The following ATP9A variants were observed in gnomAD, a reference collection of about 807,000 sequenced individuals.
ATP9A encodes ATPase phospholipid transporting 9A, also known as probable phospholipid-transporting ATPase IIA.
In ATP9A, 52 loss-of-function variants were observed where a neutral mutation model predicts 144.1. That is an observed-to-expected ratio of 0.36 (90% CI 0.29 to 0.45). The LOEUF is 0.45. Among genes scored for constraint, ATP9A ranks in the 20% least tolerant of loss-of-function variants. The pLI is 1.00. For missense variants in ATP9A, 947 were observed against 1,392.7 expected, an observed-to-expected ratio of 0.68 and a Z score of 5.09; for synonymous variants, 582 against 557.4, an observed-to-expected ratio of 1.04 and a Z score of -0.62.
intron 3 of ATP9A, among the ~76,000 whole-genome samples, chr20:51,724,341 A>G (rs189271739): frequency 5.9e-5 from 9 of 152,244 alleles, no homozygotes; most frequent in African/African-American, 2.2e-4. Context: ...GCTCAGTTAC[A>G]TTGGACCTCT....
rs78428518 is a variant in ATP9A at position 51,689,196 on chromosome 20, G to A, written c.724-57C>T. The A allele has an allele frequency of 1.7e-3, 2,662 of 1,556,366 alleles. 39 individuals carry two copies. The African/African-American group carries it at 0.031, about 18-fold the overall frequency. On this transcript the variant is annotated intron_variant, in intron 8 of 27. Transcript: ENST00000338821. Reference sequence around the variant, plus strand: ...CCCCAAAGCTTCCCCAGAATCCACAGGCTGCTTCTAGCATGGTCCGCTGGA... The same window carrying A: ...CCCCAAAGCTTCCCCAGAATCCACAAGCTGCTTCTAGCATGGTCCGCTGGA...
intron 1 of ATP9A, among the ~76,000 whole-genome samples, chr20:51,731,227 C>A (rs987978521): frequency 1.3e-5 from 2 of 149,594 alleles, no homozygotes; most frequent in Non-Finnish European, 3.0e-5. Flanking sequence ...TCGCTTGAAC[C>A]CAGTAGGCGG....
chr20:51,625,163 T>G (rs982639799), intron 18 of ATP9A, 29 bp downstream of exon 18: 1 of 1,589,848 alleles, frequency 6.3e-7, no homozygotes, highest in Non-Finnish European at 8.5e-7. Flanking sequence ...TGCCCTGGAG[T>G]GCCCTTCCCT....
intron 4 of ATP9A, among the ~76,000 whole-genome samples, chr20:51,712,728 T>C (rs2077645019): frequency 6.6e-6 from 1 of 152,144 alleles, no homozygotes; most frequent in African/African-American, 2.4e-5. Flanking sequence ...TTATGACACA[T>C]AAGTTATTTG....
At chr20:51,651,368 ATATTTCT>A (rs1316979719) in intron 14 of ATP9A, among the ~76,000 whole-genome samples, 231 of 141,390 alleles carry the variant, frequency 1.6e-3, no homozygotes, top group South Asian at 4.3e-3. Flanking sequence ...TACATTATAT[ATATTTCT>A]TTACATATTT....
At chr20:51,601,420 C>T (rs978740501) in intron 27 of ATP9A, 73 bp from the exon 28 acceptor site, 20 of 1,420,946 alleles carry the variant, frequency 1.4e-5, no homozygotes, top group African/African-American at 2.9e-5. Flanking sequence ...CAGAAACAGG[C>T]GTCACAACTA....
At chr20:51,642,738 A>C (rs2077325714) in intron 14 of ATP9A, among the ~76,000 whole-genome samples, 1 of 43,230 alleles carries the variant, frequency 2.3e-5, no homozygotes, top group Non-Finnish European at 6.6e-5. Context: ...AAAAAAAAAA[A>C]AAAAAAAAAA....
intron 18 of ATP9A, among the ~76,000 whole-genome samples, chr20:51,622,758 C>T (rs905958714): frequency 6.6e-6 from 1 of 152,158 alleles, no homozygotes; most frequent in African/African-American, 2.4e-5. Context: ...CTTGTCCTAA[C>T]CAGGCCCAGA....
chr20:51,618,756 G>A lies in ATP9A; in HGVS notation c.2256C>T (p.Cys752=). ...EYEFMELACQ[C]PAVVCCRCAP... ...CACATCGGCAGCAGACTACGGCCGG[G>A]CACTGGCAGGCCAGCTCCATGAACT... The change falls in exon 21 of 28, where the codon TGC becomes TGT. Residue 752 remains cysteine, a synonymous_variant. Transcript: ENST00000338821. The A allele has an allele frequency of 3.1e-6, 5 of 1,608,850 alleles. No homozygotes were observed. Among genetic ancestry groups the A allele is most frequent in the East Asian group, 2.2e-5 (1 of 44,812 alleles).
In ATP9A at chr20:51,608,060, A is replaced by AG. The variant is rs397960112; in HGVS notation, c.2745+457dup. On this transcript the variant is annotated intron_variant, in intron 25 of 27. Transcript: ENST00000338821. ...ATTAGTCTCAAAAAAAAAAAAAAAA[A>AG]GAATTAACATTAAAATTAACATTAC... Among the ~76,000 whole-genome samples, 699 of 148,508 alleles carry AG rather than the reference A, an allele frequency of 4.7e-3. 5 individuals carry two copies. The highest frequency in any genetic ancestry group is 0.011 in the East Asian group (57 of 5,096).
intron 1 of ATP9A, among the ~76,000 whole-genome samples, chr20:51,739,238 C>A (rs953093423): frequency 6.6e-6 from 1 of 152,154 alleles, no homozygotes; most frequent in Non-Finnish European, 1.5e-5. Context: ...TTGTCCCCAA[C>A]CAGGTCTGAA....
At chr20:51,690,599 C>T (rs1485821496) in intron 8 of ATP9A, 140 bp downstream of exon 8, 1 of 722,368 alleles carries the variant, frequency 1.4e-6, no homozygotes, top group African/African-American at 1.8e-5. Flanking sequence ...AATACGCTGG[C>T]TTTCAAGGCG....
At chr20:51,738,942 C>T (rs1199281347) in intron 1 of ATP9A, among the ~76,000 whole-genome samples, 2 of 151,812 alleles carry the variant, frequency 1.3e-5, no homozygotes, top group Non-Finnish European at 2.9e-5. Context: ...ATTAACCAGG[C>T]GTGGTGGCAG....
intron 19 of ATP9A, among the ~76,000 whole-genome samples, chr20:51,621,728 C>A (rs1309202260): frequency 6.6e-6 from 1 of 152,154 alleles, no homozygotes; most frequent in Admixed American, 6.6e-5. Context: ...CCGTGAAATC[C>A]CAGGAATCCC....
At chr20:51,661,124 A>G (rs892040628) in intron 13 of ATP9A, among the ~76,000 whole-genome samples, 3 of 152,218 alleles carry the variant, frequency 2.0e-5, no homozygotes, top group African/African-American at 4.8e-5. Flanking sequence ...ATAGCATCCC[A>G]GCCAATAAAT....
At chr20:51,677,333 C>T (rs1284952419) in intron 9 of ATP9A, among the ~76,000 whole-genome samples, 1 of 152,150 alleles carries the variant, frequency 6.6e-6, no homozygotes, top group Non-Finnish European at 1.5e-5. Flanking sequence ...CCACTGAAAA[C>T]CCTTTGAGTT....
intron 24 of ATP9A, among the ~76,000 whole-genome samples, chr20:51,608,921 A>ATGTGTG (rs1491526287): frequency 0.034 from 1,052 of 31,042 alleles, 15 homozygotes; most frequent in African/African-American, 0.11. Flanking sequence ...AGGAAATAAG[A>ATGTGTG]CGTGTGTGTG....
At chr20:51,711,852 A>ATTTT (rs11469394) in intron 4 of ATP9A, among the ~76,000 whole-genome samples, 5 of 120,916 alleles carry the variant, frequency 4.1e-5, no homozygotes, top group Admixed American at 9.4e-5. Flanking sequence ...TTCAATTTCA[A>ATTTT]TTTTTTTTTT....
intron 4 of ATP9A, among the ~76,000 whole-genome samples, chr20:51,700,720 C>T (rs543450484): frequency 6.6e-5 from 10 of 152,292 alleles, no homozygotes; most frequent in Non-Finnish European, 8.8e-5. Flanking sequence ...ATCCCAGCTA[C>T]TCGGGAGGCT....
Sources: allele counts gnomAD v4.1 joint callset (sites outside exome capture counted in the v4.1 genomes callset), GRCh38; gene constraint gnomAD v4.1.1; transcripts MANE v1.5; gene names NCBI Gene and HGNC (gene_info 2026-07-23, HGNC 2026-07-21).